The following PECAM1 variants were observed in gnomAD, a reference collection of about 807,000 sequenced individuals.
The protein encoded by PECAM1 is platelet and endothelial cell adhesion molecule 1.
In PECAM1, 8 loss-of-function variants were observed where a neutral mutation model predicts 13.8. That is an observed-to-expected ratio of 0.58 (90% CI 0.34 to 1.05). PECAM1 has a LOEUF of 1.05. Among genes scored for constraint, PECAM1 ranks in the 50% least tolerant of loss-of-function variants. The probability of loss-of-function intolerance (pLI) is 0.03; values close to 1 mark genes in which losing one functional copy is unlikely to be tolerated. For missense variants in PECAM1, 304 were observed against 141.2 expected, an observed-to-expected ratio of 2.15 and a Z score of -5.84; for synonymous variants, 136 against 52.6, an observed-to-expected ratio of 2.58 and a Z score of -6.86.
At chr17:64,327,671 G>A (rs963495238) in intron 15 of PECAM1, among the ~76,000 whole-genome samples, 3 of 152,048 alleles carry the variant, frequency 2.0e-5, no homozygotes, top group Non-Finnish European at 4.4e-5. Flanking sequence ...TGTCTGCGTC[G>A]GCCACACACA....
At chr17:64,352,920 G>A (rs1486175785) in intron 10 of PECAM1, among the ~76,000 whole-genome samples, 1 of 152,058 alleles carries the variant, frequency 6.6e-6, no homozygotes, top group East Asian at 1.9e-4. Context: ...AAAGTGCTGG[G>A]ATTACAGGTG....
chr17:64,334,261 G>T (rs1480911642), intron 14 of PECAM1, among the ~76,000 whole-genome samples: 1 of 151,862 alleles, frequency 6.6e-6, no homozygotes, highest in Non-Finnish European at 1.5e-5. Context: ...CGGCCCTGGG[G>T]CTGCTCCTTG....
At chr17:64,326,636 C>G (rs192013693) in intron 15 of PECAM1, among the ~76,000 whole-genome samples, 71 of 152,346 alleles carry the variant, frequency 4.7e-4, no homozygotes, top group Middle Eastern at 3.4e-3. Context: ...CACCTCCGCT[C>G]TCTCTCTGTG....
At chr17:64,358,657 A>G (rs2035902608) in intron 7 of PECAM1, among the ~76,000 whole-genome samples, 1 of 152,080 alleles carries the variant, frequency 6.6e-6, no homozygotes, top group Non-Finnish European at 1.5e-5. Context: ...CATTTTTTCT[A>G]TGCTTATTGG....
intron 2 of PECAM1, among the ~76,000 whole-genome samples, chr17:64,389,432 GA>G: frequency 6.6e-6 from 1 of 152,264 alleles, no homozygotes; most frequent in Non-Finnish European, 1.5e-5. Flanking sequence ...AGGCTTCAAA[GA>G]TAGGCAGCAC....
At chr17:64,358,999 T>A (rs971305840) in intron 7 of PECAM1, among the ~76,000 whole-genome samples, 25 of 152,062 alleles carry the variant, frequency 1.6e-4, no homozygotes, top group Admixed American at 2.6e-4. Context: ...GATTTCACCA[T>A]GTTGGCCAGG....
At chr17:64,379,304 G>C (rs1428318369) in intron 2 of PECAM1, among the ~76,000 whole-genome samples, 1 of 152,216 alleles carries the variant, frequency 6.6e-6, no homozygotes, top group African/African-American at 2.4e-5. Flanking sequence ...GCTAACTACA[G>C]ATCACATATT....
chr17:64,356,523 G>T, intron 7 of PECAM1, 125 bp from the exon 8 acceptor site: 1 of 400,244 alleles, frequency 2.5e-6, no homozygotes, highest in Non-Finnish European at 4.5e-6. Flanking sequence ...CACCCAGGCT[G>T]GAGTGCAGTG....
chr17:64,367,859 G>T (rs919682157), intron 5 of PECAM1, among the ~76,000 whole-genome samples: 6 of 152,080 alleles, frequency 3.9e-5, no homozygotes, highest in African/African-American at 1.4e-4. Context: ...AAAATACCAT[G>T]AGCCATCAAA....
chr17:64,388,508 A>T (rs1445339519), intron 2 of PECAM1, among the ~76,000 whole-genome samples: 1 of 152,178 alleles, frequency 6.6e-6, no homozygotes, highest in Non-Finnish European at 1.5e-5. Flanking sequence ...TCCCCATGTT[A>T]CAGATTGGGA....
intron 14 of PECAM1, among the ~76,000 whole-genome samples, chr17:64,331,349 G>A (rs1474329691): frequency 6.6e-6 from 1 of 152,092 alleles, no homozygotes; most frequent in East Asian, 1.9e-4. Context: ...CAATAGCCGG[G>A]TAATTTTTGT....
intron 10 of PECAM1, 35 bp from the exon 11 acceptor site, chr17:64,352,498 TA>T (rs2035748580): frequency 2.2e-6 from 1 of 449,398 alleles, no homozygotes; most frequent in African/African-American, 2.0e-5. Flanking sequence ...AAACAATATA[TA>T]GATATATTTG....
Position 64,325,693 on chromosome 17 carries a change from C to T in PECAM1, c.2188-1848G>A, listed in dbSNP as rs142967506. Among the ~76,000 whole-genome samples, 394 of 152,280 alleles carry T rather than the reference C, an allele frequency of 2.6e-3. 2 individuals carry two copies. The highest frequency in any genetic ancestry group is 9.0e-3 in the African/African-American group (376 of 41,562). ...TGGAGGTTGCAGTGAGCTGAAATAG[C>T]ACCCCTGCACTCCAGCCTGGGTGAT... On this transcript the variant is annotated intron_variant, in intron 15 of 15. Coordinates refer to ENST00000563924, the MANE Select transcript of PECAM1 (RefSeq NM_000442.5).
intron 2 of PECAM1, among the ~76,000 whole-genome samples, chr17:64,384,546 G>A (rs949170939): frequency 9.2e-5 from 14 of 152,282 alleles, no homozygotes; most frequent in African/African-American, 3.4e-4. Flanking sequence ...CTCATTCTGG[G>A]GAATGCCAGC....
chr17:64,378,282 G>A (rs2036406667), intron 2 of PECAM1, among the ~76,000 whole-genome samples, 165 bp from the exon 3 acceptor site: 1 of 152,082 alleles, frequency 6.6e-6, no homozygotes, highest in African/African-American at 2.4e-5. Context: ...GTGCACAGTG[G>A]CTCAAGCAGG....
intron 14 of PECAM1, among the ~76,000 whole-genome samples, chr17:64,341,385 A>G (rs897703856): frequency 2.0e-5 from 3 of 152,152 alleles, no homozygotes; most frequent in Admixed American, 2.0e-4. Context: ...CTGTGTGGGG[A>G]GCAGGTAAGG....
chr17:64,329,128 C>T (rs1387671971), intron 15 of PECAM1, among the ~76,000 whole-genome samples: 2 of 152,140 alleles, frequency 1.3e-5, no homozygotes, highest in African/African-American at 4.8e-5. Flanking sequence ...TCACTCCATT[C>T]ATTCTTCATG....
chr17:64,378,044 C>A lies in PECAM1; in HGVS notation c.165G>T (p.Leu55=), dbSNP rs1055056999. ...WTVQNGKNLT[L]QCFADVSTTS... ...TGGTGCTGACATCCGCGAAGCACTGCAGGGTCAGGTTCTTCCCATTTTGCA... is the reference window on the plus strand; with the variant it reads ...TGGTGCTGACATCCGCGAAGCACTGAAGGGTCAGGTTCTTCCCATTTTGCA... Residue 55 remains leucine (L), a synonymous_variant, in exon 3 of 16, where the codon CTG becomes CTT. Transcript: ENST00000563924. 1.9e-5 allele frequency: 9 copies of A among 475,194 alleles called. No homozygotes were observed. Among genetic ancestry groups the A allele is most frequent in the Non-Finnish European group, 3.1e-5 (8 of 259,054 alleles). 29.4% of individuals were successfully genotyped at this position (475,194 alleles called of 1,614,324 possible).
intron 12 of PECAM1, among the ~76,000 whole-genome samples, chr17:64,349,495 C>T (rs1490711589): frequency 1.4e-5 from 2 of 141,154 alleles, no homozygotes; most frequent in African/African-American, 5.2e-5. Context: ...GGCTGAGGCA[C>T]GAGAATGGCT....
Sources: gnomAD v4.1 joint callset for allele counts (sites outside exome capture counted in the v4.1 genomes callset) on GRCh38, gnomAD v4.1.1 for gene constraint, MANE v1.5 for transcripts, NCBI Gene and HGNC (gene_info 2026-07-23, HGNC 2026-07-21) for gene names.